The following EIF5B variants were observed in gnomAD, a reference collection of about 807,000 sequenced individuals.
EIF5B encodes eIF-5B.
Under a neutral mutation model 147.5 loss-of-function variants are expected in EIF5B, and 47 were observed. That is an observed-to-expected ratio of 0.32 (90% CI 0.25 to 0.41). The LOEUF is 0.41. Ranked by LOEUF, EIF5B falls within the 10% of genes least tolerant of loss-of-function variation. EIF5B has a pLI of 1.00. For missense variants in EIF5B, 1,064 were observed against 1,413.2 expected (o/e 0.75, Z 3.96); for synonymous variants, 455 against 456.2 (o/e 1.00, Z 0.03).
chr2:99,390,519 T>G, intron 16 of EIF5B, 25 bp from the exon 17 acceptor site: 1 of 1,600,106 alleles, frequency 6.2e-7, no homozygotes, highest in Non-Finnish European at 8.5e-7. Context: ...ATGTATGTCT[T>G]TCTCTTTGCA....
chr2:99,400,592 C>T lies in EIF5B; in HGVS notation c.*1178C>T, dbSNP rs1317599866. The T allele has an allele frequency of 2.0e-5, 3 of 151,880 alleles. No homozygotes were observed. Among genetic ancestry groups the T allele is most frequent in the African/African-American group, 7.3e-5 (3 of 41,312 alleles). The allele number at this position is 151,880 out of a possible 1,614,324, so 9.4% of individuals were successfully genotyped here. A position where few individuals can be genotyped will look rare whatever the true frequency, so the allele number is the denominator to read the frequency against. The stretch of plus-strand genomic sequence containing the variant: ...TTTATCATCAAAGTTTCTCAATGGC[C>T]AGTAGAAGCAAAAAGACAACACCAC... On this transcript the variant is annotated 3_prime_UTR_variant, in exon 24 of 24. Coordinates refer to ENST00000289371, the MANE Select transcript of EIF5B (RefSeq NM_015904.4).
chr2:99,357,292 C>G (rs186215621), intron 1 of EIF5B, among the ~76,000 whole-genome samples: 3 of 152,242 alleles, frequency 2.0e-5, no homozygotes, highest in Non-Finnish European at 4.4e-5. Flanking sequence ...AAGTAAAAAA[C>G]TAGATCATTT....
chr2:99,349,612 C>A (rs1247591975), intron 1 of EIF5B, among the ~76,000 whole-genome samples: 2 of 152,002 alleles, frequency 1.3e-5, no homozygotes, highest in Non-Finnish European at 2.9e-5. Flanking sequence ...TGAGTACATG[C>A]CTGCACACAC....
chr2:99,354,420 G>A (rs1314810626), intron 1 of EIF5B, among the ~76,000 whole-genome samples: 1 of 152,044 alleles, frequency 6.6e-6, no homozygotes, highest in South Asian at 2.1e-4. Context: ...AGAGTTTTGG[G>A]TATATTCTAG....
At chr2:99,381,270 G>A (rs1054656631) in intron 12 of EIF5B, among the ~76,000 whole-genome samples, 1 of 152,102 alleles carries the variant, frequency 6.6e-6, no homozygotes, top group African/African-American at 2.4e-5. Context: ...ATTTTAGAAC[G>A]TAAGGAACAA....
intron 1 of EIF5B, 94 bp from the exon 2 acceptor site, chr2:99,360,142 A>C: frequency 7.2e-7 from 1 of 1,382,436 alleles, no homozygotes. Flanking sequence ...TTGTGCTGCT[A>C]ATGCATGAAA....
chr2:99,353,311 C>T (rs1559245574), intron 1 of EIF5B, among the ~76,000 whole-genome samples: 3 of 152,086 alleles, frequency 2.0e-5, no homozygotes, highest in African/African-American at 2.4e-5. Flanking sequence ...CCGCGTCTGG[C>T]CTGCCTGGCT....
chr2:99,360,093 T>G (rs1450870672), intron 1 of EIF5B, 143 bp from the exon 2 acceptor site: 3 of 936,386 alleles, frequency 3.2e-6, no homozygotes, highest in Non-Finnish European at 4.5e-6. Flanking sequence ...AGATGTAACT[T>G]GTGTTGTAAT....
chr2:99,337,427 A>C lies in EIF5B; in HGVS notation c.-128A>C. 8.4e-7 allele frequency: 1 copy of C among 1,193,288 alleles called. No homozygotes were observed. Among genetic ancestry groups the C allele is most frequent in the South Asian group, 1.3e-5 (1 of 76,780 alleles). The allele number at this position is 1,193,288 out of a possible 1,614,324, so 73.9% of individuals were successfully genotyped here. A position where few individuals can be genotyped will look rare whatever the true frequency, so the allele number is the denominator to read the frequency against. On this transcript the variant is annotated 5_prime_UTR_variant, in exon 1 of 24. Coordinates refer to ENST00000289371, the MANE Select transcript of EIF5B (RefSeq NM_015904.4). ...CCTGTTCCAGTGCGCGGGTCTGTGG[A>C]GAGCCGGGTGCGAGCGGCGGCAGCA...
intron 1 of EIF5B, among the ~76,000 whole-genome samples, chr2:99,349,169 A>G (rs2094279055): frequency 1.3e-5 from 2 of 152,244 alleles, no homozygotes; most frequent in Admixed American, 1.3e-4. Flanking sequence ...CTCCCACATT[A>G]AAGGAGATAG....
intron 8 of EIF5B, among the ~76,000 whole-genome samples, 192 bp from the exon 9 acceptor site, chr2:99,371,464 G>C (rs570411853): frequency 6.7e-6 from 1 of 149,894 alleles, no homozygotes; most frequent in East Asian, 2.0e-4. Context: ...CTCCAGCCTG[G>C]GCGACAGAGC....
intron 1 of EIF5B, among the ~76,000 whole-genome samples, chr2:99,349,263 G>A (rs1341574694): frequency 6.6e-6 from 1 of 152,256 alleles, no homozygotes; most frequent in African/African-American, 2.4e-5. Flanking sequence ...TTGGAGAAGA[G>A]AGGTTGGTAA....
chr2:99,376,907 T>C (rs1181079169), intron 10 of EIF5B, among the ~76,000 whole-genome samples: 2 of 152,190 alleles, frequency 1.3e-5, no homozygotes, highest in Non-Finnish European at 2.9e-5. Context: ...GAGTGATAGT[T>C]TATAAGTATG....
chr2:99,359,588 G>C (rs1440077018), intron 1 of EIF5B, among the ~76,000 whole-genome samples: 2 of 152,170 alleles, frequency 1.3e-5, no homozygotes, highest in African/African-American at 4.8e-5. Flanking sequence ...GTTGGTAGGT[G>C]ACGACATTGT....
chr2:99,353,140 G>GAGT (rs1674015649), intron 1 of EIF5B, among the ~76,000 whole-genome samples: 1 of 148,964 alleles, frequency 6.7e-6, no homozygotes, highest in Non-Finnish European at 1.5e-5. Flanking sequence ...TCAGCCTCCT[G>GAGT]AGTAGCTGGG....
chr2:99,363,364 G>T (rs368094733), intron 4 of EIF5B, among the ~76,000 whole-genome samples: 4 of 152,306 alleles, frequency 2.6e-5, no homozygotes, highest in African/African-American at 9.6e-5. Flanking sequence ...GTACAGGATT[G>T]CCCTTTTGCT....
chr2:99,337,483 G>A lies in EIF5B; in HGVS notation c.-72G>A, dbSNP rs890453883. On this transcript the variant is annotated 5_prime_UTR_variant, in exon 1 of 24. Coordinates refer to ENST00000289371, the MANE Select transcript of EIF5B (RefSeq NM_015904.4). The stretch of plus-strand genomic sequence containing the variant: ...GGAAAAGAGCTGAGCGGAGACCAAA[G>A]TCAGCCGGGAGACAGTGGGTCTGTG... The A allele has an allele frequency of 3.8e-6, 6 of 1,575,562 alleles. No homozygotes were observed. Among genetic ancestry groups the A allele is most frequent in the Admixed American group, 3.7e-5 (2 of 54,118 alleles).
Position 99,346,389 on chromosome 2 carries a change from T to A in EIF5B, c.35+8800T>A, listed in dbSNP as rs1021479919. On this transcript the variant is annotated intron_variant, in intron 1 of 23. Coordinates refer to ENST00000289371, the MANE Select transcript of EIF5B (RefSeq NM_015904.4). The stretch of plus-strand genomic sequence containing the variant: ...GAGTGGTTGTCTACATAAAACTTTT[T>A]GTTAAAATTTATTAGTAATTATTAG... Among the ~76,000 whole-genome samples the A allele has an allele frequency of 2.6e-5, 4 of 152,272 alleles. No homozygotes were observed. The South Asian group carries it at 8.3e-4, about 32-fold the overall frequency.
intron 14 of EIF5B, among the ~76,000 whole-genome samples, chr2:99,389,245 G>A (rs1335389457): frequency 2.6e-5 from 4 of 152,096 alleles, no homozygotes; most frequent in Non-Finnish European, 5.9e-5. Flanking sequence ...AAAAGTGAGG[G>A]AAAATAGATT....
Sources: allele counts gnomAD v4.1 joint callset (sites outside exome capture counted in the v4.1 genomes callset), GRCh38; gene constraint gnomAD v4.1.1; transcripts MANE v1.5; gene names NCBI Gene and HGNC (gene_info 2026-07-23, HGNC 2026-07-21).